Variants in ASAP2 observed in about 807,000 individuals in gnomAD.
The protein encoded by ASAP2 is ArfGAP with SH3 domain, ankyrin repeat and PH domain 2, also known as arf-GAP with SH3 domain, ANK repeat and PH domain-containing protein 2.
Under a neutral mutation model 131.4 loss-of-function variants are expected in ASAP2, and 45 were observed. The observed-to-expected ratio is 0.34, with a 90% confidence interval of 0.27 to 0.44. The LOEUF (loss-of-function observed/expected upper bound fraction) is 0.44, where lower values mean the gene tolerates loss of function less well. ASAP2 is among the 20% of genes least tolerant of loss of function. The pLI is 1.00. For synonymous variants in ASAP2, 510 were observed against 503.0 expected (o/e 1.01, Z -0.19); for missense variants, 1,011 against 1,297.0 (o/e 0.78, Z 3.39).
At chr2:9,241,787 A>G (rs1486997089) in intron 1 of ASAP2, among the ~76,000 whole-genome samples, 1 of 152,232 alleles carries the variant, frequency 6.6e-6, no homozygotes, top group African/African-American at 2.4e-5. Context: ...AAGTCAAGGA[A>G]AGCGAGGAGA....
In ASAP2 at chr2:9,318,549, C is replaced by T. The variant is rs1669952637; in HGVS notation, c.371C>T (p.Ser124Phe). Residue 124 changes from serine (S) to phenylalanine (F), a missense_variant, in exon 4 of 28, where the codon TCC becomes TTC. Physicochemically the swap from Ser to Phe is radical, Grantham distance 155 (BLOSUM62 -2). Coordinates refer to ENST00000281419, the MANE Select transcript of ASAP2 (RefSeq NM_003887.3). ...NLIQNMNNII[S>F]FPLDSLLKGD... ...ATTCAGAATATGAACAACATAATCTCCTTCCCTTTGGACAGTTTGCTGAAG... is the reference window on the plus strand; with the variant it reads ...ATTCAGAATATGAACAACATAATCTTCTTCCCTTTGGACAGTTTGCTGAAG... The T allele has an allele frequency of 3.7e-6, 6 of 1,613,414 alleles. No individual in the cohort carries two copies. Among genetic ancestry groups the T allele is most frequent in the Non-Finnish European group, 5.1e-6 (6 of 1,179,670 alleles).
intron 15 of ASAP2, 64 bp from the exon 16 acceptor site, chr2:9,368,361 G>T (rs1020455687): frequency 1.4e-6 from 2 of 1,384,734 alleles, no homozygotes; most frequent in Non-Finnish European, 2.1e-6. Context: ...ATGGGGATGG[G>T]TAATGTGTAG....
In ASAP2 at chr2:9,248,847, C is replaced by A. The variant is rs940391621; in HGVS notation, c.127-30470C>A. 2.0e-5 allele frequency among the ~76,000 whole-genome samples: 3 copies of A among 152,274 alleles called. No individual in the cohort carries two copies. The East Asian group carries it at 5.8e-4, about 29-fold the overall frequency. ...AGTGTCTCTGAAGTCTTCCTGATGTCGACTCTGATGTGAGCTCAGTGTTAG... is the reference window on the plus strand; with the variant it reads ...AGTGTCTCTGAAGTCTTCCTGATGTAGACTCTGATGTGAGCTCAGTGTTAG... On this transcript the variant is annotated intron_variant, in intron 1 of 27. Transcript: ENST00000281419.
At chr2:9,387,083 G>T (rs544399840) in intron 21 of ASAP2, among the ~76,000 whole-genome samples, 4 of 150,318 alleles carry the variant, frequency 2.7e-5, no homozygotes, top group South Asian at 2.1e-4. Flanking sequence ...GTGGGTGGGG[G>T]GGCGCCTGTA....
At chr2:9,307,873 C>T (rs140837371) in intron 3 of ASAP2, among the ~76,000 whole-genome samples, 3,339 of 152,316 alleles carry the variant, frequency 0.022, 61 homozygotes, top group Non-Finnish European at 0.036. Context: ...CTGCCAGGGA[C>T]GGGCTGGGCG....
intron 2 of ASAP2, among the ~76,000 whole-genome samples, chr2:9,283,935 A>G (rs1177161971): frequency 1.3e-5 from 2 of 152,188 alleles, no homozygotes; most frequent in East Asian, 3.8e-4. Flanking sequence ...TCCAGACACC[A>G]TTGCCTTGGG....
intron 7 of ASAP2, among the ~76,000 whole-genome samples, chr2:9,334,513 C>T (rs1453716434): frequency 1.3e-5 from 2 of 152,188 alleles, no homozygotes; most frequent in Non-Finnish European, 2.9e-5. Context: ...CGAGAAAAAT[C>T]TCAAATACTT....
chr2:9,280,733 T>C (rs1474119508), intron 2 of ASAP2, among the ~76,000 whole-genome samples: 1 of 152,226 alleles, frequency 6.6e-6, no homozygotes, highest in African/African-American at 2.4e-5. Flanking sequence ...CTAAAACTGA[T>C]ACAGAAGGTG....
chr2:9,369,884 C>G (rs1673799324), intron 16 of ASAP2, among the ~76,000 whole-genome samples: 1 of 152,118 alleles, frequency 6.6e-6, no homozygotes, highest in Admixed American at 6.5e-5. Context: ...ACCTCTTGCC[C>G]AGGCTGGAGT....
Position 9,364,109 on chromosome 2 carries a change from A to G in ASAP2, c.1462-4316A>G, listed in dbSNP as rs77331530. The stretch of plus-strand genomic sequence containing the variant: ...TTTTTCAGGTCATATGAAAAACAGT[A>G]TCACTGGTACTAGGGTACTACTATC... On this transcript the variant is annotated intron_variant, in intron 15 of 27. Coordinates refer to ENST00000281419, the MANE Select transcript of ASAP2 (RefSeq NM_003887.3). Among the ~76,000 whole-genome samples the G allele has an allele frequency of 1.5e-3, 229 of 152,344 alleles. 1 individual carries two copies. Among genetic ancestry groups the G allele is most frequent in the African/African-American group, 5.1e-3 (213 of 41,592 alleles).
At chr2:9,345,844 G>A (rs1038171130) in intron 11 of ASAP2, among the ~76,000 whole-genome samples, 3 of 152,126 alleles carry the variant, frequency 2.0e-5, no homozygotes, top group Non-Finnish European at 4.4e-5. Context: ...AGGTTCATAA[G>A]GGAATAGAGT....
At chr2:9,259,573 C>CAAAAATGA (rs1415175675) in intron 1 of ASAP2, among the ~76,000 whole-genome samples, 2 of 152,192 alleles carry the variant, frequency 1.3e-5, no homozygotes, top group African/African-American at 4.8e-5. Flanking sequence ...CCTTAAGGAA[C>CAAAAATGA]AAAAATGAAC....
At chr2:9,377,358 T>C (rs538731750) in intron 18 of ASAP2, among the ~76,000 whole-genome samples, 30 of 152,200 alleles carry the variant, frequency 2.0e-4, no homozygotes, top group African/African-American at 7.0e-4. Context: ...TCCTGAGCAG[T>C]AGGGAGGTAG....
At chr2:9,336,217 G>C (rs559557926) in intron 9 of ASAP2, among the ~76,000 whole-genome samples, 1 of 152,168 alleles carries the variant, frequency 6.6e-6, no homozygotes, top group Non-Finnish European at 1.5e-5. Flanking sequence ...AAATATTAGG[G>C]AAGTGGACAT....
At position 9,397,735 on chromosome 2, in the gene ASAP2, T is replaced by G. The variant is rs1444130675; in HGVS notation, c.2685-2288T>G. ...GAAAAAAAAATCAAAAGGATATATA[T>G]ATATATATATATATATTTTTTTTTT... On this transcript the variant is annotated intron_variant, in intron 24 of 27. Coordinates refer to ENST00000281419, the MANE Select transcript of ASAP2 (RefSeq NM_003887.3). 5.9e-4 allele frequency among the ~76,000 whole-genome samples: 52 copies of G among 88,740 alleles called. 4 individuals are homozygous for G. Among genetic ancestry groups the G allele is most frequent in the African/African-American group, 4.3e-3 (51 of 11,784 alleles). 58.2% of individuals were successfully genotyped at this position (88,740 alleles called of 152,430 possible).
intron 1 of ASAP2, among the ~76,000 whole-genome samples, chr2:9,253,379 G>A (rs376734786): frequency 6.6e-6 from 1 of 152,024 alleles, no homozygotes; most frequent in Non-Finnish European, 1.5e-5. Context: ...GGCCAGGCTG[G>A]TCTCCAACTC....
intron 1 of ASAP2, among the ~76,000 whole-genome samples, chr2:9,227,083 T>C (rs1268901993): frequency 6.6e-6 from 1 of 152,206 alleles, no homozygotes; most frequent in Non-Finnish European, 1.5e-5. Context: ...CCTCCTCTCC[T>C]GTGGCTCTGG....
chr2:9,393,603 C>T lies in ASAP2; in HGVS notation c.2640C>T (p.Pro880=), dbSNP rs1365244069. 3.1e-6 allele frequency: 5 copies of T among 1,590,302 alleles called. No homozygotes were observed. The highest frequency in any genetic ancestry group is 1.7e-4 in the Middle Eastern group (1 of 5,798). Residue 880 remains proline, a synonymous_variant, in exon 24 of 28, where the codon CCC becomes CCT. Coordinates refer to ENST00000281419, the MANE Select transcript of ASAP2 (RefSeq NM_003887.3). ...CACAGATCAGGCCCCCACCTCTGCC[C>T]CCACAGCCGCCCAGCCGCCTCCCGC... The part of the protein sequence containing the change: ...GISQIRPPPL[P]PQPPSRLPQK...
chr2:9,243,546 G>A (rs180819717), intron 1 of ASAP2, among the ~76,000 whole-genome samples: 53 of 152,300 alleles, frequency 3.5e-4, no homozygotes, highest in African/African-American at 1.2e-3. Flanking sequence ...CTTTCTGTAC[G>A]TCAGGCAGAT....
Sources: allele counts gnomAD v4.1 joint callset (sites outside exome capture counted in the v4.1 genomes callset), GRCh38; gene constraint gnomAD v4.1.1; transcripts MANE v1.5; gene names NCBI Gene and HGNC (gene_info 2026-07-23, HGNC 2026-07-21).